The following RIC3 variants were observed in gnomAD, a reference collection of about 807,000 sequenced individuals.
RIC3 encodes protein RIC-3.
RIC3 carries 28 observed loss-of-function variants against 27.3 expected under a neutral mutation model. The observed-to-expected ratio is 1.02, with a 90% CI of 0.76 to 1.41. The LOEUF is 1.41. Among genes scored for constraint, RIC3 ranks in the 40% most tolerant of loss-of-function variants. RIC3 has a pLI of 0.00. For missense variants in RIC3, 501 were observed against 444.7 expected, an observed-to-expected ratio of 1.13 and a Z score of -1.14; for synonymous variants, 184 against 160.4, an observed-to-expected ratio of 1.15 and a Z score of -1.11.
chr11:8,126,974 G>C lies in RIC3; in HGVS notation c.522-167C>G, dbSNP rs111630528. On this transcript the variant is annotated intron_variant, in intron 4 of 5. Transcript: ENST00000309737. ...GCATAGCTGGGAACTAGAGATGTTA[G>C]TTCAATGCTTTGATTTTATAAATGG... 2.9e-5 allele frequency: 22 copies of C among 762,014 alleles called. No individual in the cohort carries two copies. The African/African-American group carries it at 3.1e-4, about 11-fold the overall frequency. 47.2% of individuals were successfully genotyped at this position (762,014 alleles called of 1,614,324 possible). A position where few individuals can be genotyped will look rare whatever the true frequency, so the allele number is the denominator to read the frequency against.
chr11:8,134,487 T>C (rs972798519), intron 4 of RIC3, among the ~76,000 whole-genome samples: 6 of 152,216 alleles, frequency 3.9e-5, no homozygotes, highest in African/African-American at 1.4e-4. Context: ...GCAGCATGAT[T>C]TGTAATCCTT....
At chr11:8,154,823 G>A (rs1425500723) in intron 1 of RIC3, among the ~76,000 whole-genome samples, 1 of 152,000 alleles carries the variant, frequency 6.6e-6, no homozygotes, top group African/African-American at 2.4e-5. Flanking sequence ...AAAACTGTAG[G>A]TTTTCTAATC....
chr11:8,153,287 A>C (rs1479250384), intron 1 of RIC3: 1 of 355,870 alleles, frequency 2.8e-6, no homozygotes, highest in Non-Finnish European at 5.4e-6. Context: ...TCAGGCTCTG[A>C]GATTAGAATG....
chr11:8,158,967 G>T (rs112819351), intron 1 of RIC3, among the ~76,000 whole-genome samples: 10,369 of 150,620 alleles, frequency 0.069, 400 homozygotes, highest in South Asian at 0.11. Flanking sequence ...TCCTGACCTT[G>T]TGATCCACCC....
intron 1 of RIC3, among the ~76,000 whole-genome samples, chr11:8,168,585 AC>A (rs1951957406): frequency 1.3e-5 from 2 of 152,304 alleles, no homozygotes; most frequent in African/African-American, 4.8e-5. Flanking sequence ...GAGAGAAGGG[AC>A]TGCGCCTAAA....
At chr11:8,126,920 TA>T in intron 4 of RIC3, 113 bp from the exon 5 acceptor site, 1 of 1,223,314 alleles carries the variant, frequency 8.2e-7, no homozygotes, top group Non-Finnish European at 1.2e-6. Flanking sequence ...TTGCAGCAGA[TA>T]ATTATTCTAG....
intron 1 of RIC3, among the ~76,000 whole-genome samples, chr11:8,148,853 A>G (rs952273010): frequency 6.6e-6 from 1 of 151,938 alleles, no homozygotes; most frequent in East Asian, 1.9e-4. Context: ...CTAAATATTC[A>G]AGTTTTGAAA....
chr11:8,101,426 C>CAAG, downstream of RIC3: 1 of 1,604,112 alleles, frequency 6.2e-7, no homozygotes, highest in Non-Finnish European at 8.5e-7. Context: ...GTCTATCCTT[C>CAAG]CCTGGCTCTA....
At chr11:8,138,227 T>C in intron 3 of RIC3, 45 bp downstream of exon 3, 1 of 1,374,104 alleles carries the variant, frequency 7.3e-7, no homozygotes, top group Non-Finnish European at 1.0e-6. Flanking sequence ...TATAAAACTG[T>C]TTGACTCAAT....
intron 4 of RIC3, among the ~76,000 whole-genome samples, chr11:8,136,679 T>C (rs2133851680): frequency 6.6e-6 from 1 of 152,330 alleles, no homozygotes; most frequent in Middle Eastern, 3.4e-3. Context: ...CATGAATGCC[T>C]AATCTGATCA....
chr11:8,099,000 C>A, the RIC3 span: 1 of 753,338 alleles, frequency 1.3e-6, no homozygotes, highest in Non-Finnish European at 2.3e-6. Flanking sequence ...GAGGGGCTGT[C>A]CTCTGTGGAG....
chr11:8,117,994 G>A (rs941050337), intron 5 of RIC3, among the ~76,000 whole-genome samples: 7 of 151,498 alleles, frequency 4.6e-5, no homozygotes, highest in African/African-American at 1.2e-4. Flanking sequence ...AGGCCGAGGC[G>A]GGCAGATCAC....
At chr11:8,157,729 G>A (rs1219164604) in intron 1 of RIC3, among the ~76,000 whole-genome samples, 4 of 152,038 alleles carry the variant, frequency 2.6e-5, no homozygotes, top group African/African-American at 9.7e-5. Context: ...CATTTGTAGG[G>A]CTAAAAATAG....
At chr11:8,148,960 C>A (rs956218246) in intron 1 of RIC3, among the ~76,000 whole-genome samples, 6 of 149,144 alleles carry the variant, frequency 4.0e-5, no homozygotes, top group African/African-American at 1.5e-4. Context: ...GCGGGCAGAT[C>A]ACGAGGTCAG....
chr11:8,167,038 T>A (rs1361907445), intron 1 of RIC3, among the ~76,000 whole-genome samples: 1 of 152,216 alleles, frequency 6.6e-6, no homozygotes, highest in Non-Finnish European at 1.5e-5. Flanking sequence ...TGCTGCAAGT[T>A]TCAGTTACTG....
intron 5 of RIC3, among the ~76,000 whole-genome samples, chr11:8,114,032 C>G (rs994269119): frequency 6.6e-6 from 1 of 152,116 alleles, no homozygotes; most frequent in African/African-American, 2.4e-5. Flanking sequence ...AGGCTTCAAC[C>G]CCAACCCCAC....
chr11:8,100,698 G>GA, the RIC3 span: 3 of 1,516,738 alleles, frequency 2.0e-6, no homozygotes, highest in Non-Finnish European at 2.7e-6. Context: ...TATGTGGAGG[G>GA]GTACCATGTG....
intron 4 of RIC3, among the ~76,000 whole-genome samples, chr11:8,127,723 C>A (rs1947160749): frequency 6.6e-6 from 1 of 152,164 alleles, no homozygotes; most frequent in Non-Finnish European, 1.5e-5. Context: ...TACTTATTCT[C>A]TTCTTAAAAC....
chr11:8,150,527 G>T (rs1450969499), intron 1 of RIC3, among the ~76,000 whole-genome samples: 1 of 152,020 alleles, frequency 6.6e-6, no homozygotes, highest in African/African-American at 2.4e-5. Context: ...TTATTAGACT[G>T]CAGTTAGGCT....
Sources: gnomAD v4.1 joint callset for allele counts (sites outside exome capture counted in the v4.1 genomes callset) on GRCh38, gnomAD v4.1.1 for gene constraint, MANE v1.5 for transcripts, NCBI Gene and HGNC (gene_info 2026-07-23, HGNC 2026-07-21) for gene names.